Variants in SCAMP1 observed in about 807,000 individuals in gnomAD.
SCAMP1 encodes secretory carrier-associated membrane protein 1.
Under a neutral mutation model 41.8 loss-of-function variants are expected in SCAMP1, and 15 were observed. The observed-to-expected ratio is 0.36, with a 90% CI of 0.24 to 0.55. SCAMP1 has a LOEUF of 0.55. Among genes scored for constraint, SCAMP1 ranks in the 20% least tolerant of loss-of-function variants. The pLI is 0.86. For synonymous variants in SCAMP1, 135 were observed against 136.8 expected (o/e 0.99, Z 0.09); for missense variants, 341 against 412.6 (o/e 0.83, Z 1.50).
chr5:78,425,205 A>T (rs1202128804), intron 6 of SCAMP1, among the ~76,000 whole-genome samples: 2 of 152,250 alleles, frequency 1.3e-5, no homozygotes, highest in Non-Finnish European at 2.9e-5. Flanking sequence ...GACAATTTTC[A>T]AAGTAGTACT....
In SCAMP1 at chr5:78,435,005, G is replaced by A. The variant is rs184095144; in HGVS notation, c.632+13045G>A. Among the ~76,000 whole-genome samples, 306 of 152,276 alleles carry A rather than the reference G, an allele frequency of 2.0e-3. 1 individual carries two copies. The highest frequency in any genetic ancestry group is 6.8e-3 in the African/African-American group (284 of 41,558). On this transcript the variant is annotated intron_variant, in intron 6 of 8. Coordinates refer to ENST00000621999, the MANE Select transcript of SCAMP1 (RefSeq NM_004866.6). ...ATGGATAAATGGTAGCATTATTCTA[G>A]AACAGCAACAGTAGGTATGTCAGAA...
chr5:78,404,731 T>C (rs897081259), intron 2 of SCAMP1, among the ~76,000 whole-genome samples: 1 of 152,198 alleles, frequency 6.6e-6, no homozygotes, highest in Admixed American at 6.5e-5. Context: ...GGTTAGGCAC[T>C]GGTTAAATAG....
intron 1 of SCAMP1, among the ~76,000 whole-genome samples, chr5:78,366,640 A>G (rs1371954070): frequency 6.6e-6 from 1 of 152,052 alleles, no homozygotes; most frequent in Non-Finnish European, 1.5e-5. Flanking sequence ...ATCTTATTTC[A>G]TTTACCTTGA....
At chr5:78,363,750 A>G (rs1294351207) in intron 1 of SCAMP1, among the ~76,000 whole-genome samples, 1 of 152,156 alleles carries the variant, frequency 6.6e-6, no homozygotes, top group African/African-American at 2.4e-5. Flanking sequence ...CTTATATAAT[A>G]TAACCATAGT....
intron 6 of SCAMP1, among the ~76,000 whole-genome samples, chr5:78,434,585 A>G (rs1464937195): frequency 6.6e-6 from 1 of 151,498 alleles, no homozygotes; most frequent in Admixed American, 6.6e-5. Context: ...AGAAGTTTTA[A>G]AAGCACTTTA....
rs1256823558 is a variant in SCAMP1 at position 78,476,500 on chromosome 5, G to A, written c.*832G>A. ...ATAATTCCTTTTTAAAAAAATTTCG[G>A]TAGTCATATAGTAACATTTTGCTAT... On this transcript the variant is annotated 3_prime_UTR_variant, in exon 9 of 9. Transcript: ENST00000621999. 1 of 152,474 alleles carries A rather than the reference G, an allele frequency of 6.6e-6. No individual in the cohort carries two copies. Among genetic ancestry groups the A allele is most frequent in the Non-Finnish European group, 1.5e-5 (1 of 67,980 alleles). 9.4% of individuals were successfully genotyped at this position (152,474 alleles called of 1,614,324 possible). A position where few individuals can be genotyped will look rare whatever the true frequency, so the allele number is the denominator to read the frequency against.
chr5:78,405,758 A>T (rs140560395), intron 2 of SCAMP1, among the ~76,000 whole-genome samples: 3 of 152,204 alleles, frequency 2.0e-5, no homozygotes, highest in Admixed American at 6.5e-5. Flanking sequence ...TGATGAATGT[A>T]TGAATGAATG....
intron 1 of SCAMP1, among the ~76,000 whole-genome samples, chr5:78,378,525 A>G (rs982019738): frequency 2.6e-5 from 4 of 152,246 alleles, no homozygotes; most frequent in Admixed American, 6.5e-5. Flanking sequence ...CTAGTATTGA[A>G]GATATAAACT....
In SCAMP1 at chr5:78,415,525, A is replaced by G. The variant is rs1200702647; in HGVS notation, c.141A>G (p.Pro47=). The G allele has an allele frequency of 6.3e-7, 1 of 1,597,982 alleles. No homozygotes were observed. The highest frequency in any genetic ancestry group is 8.5e-7 in the Non-Finnish European group (1 of 1,170,304). Residue 47 remains proline, a synonymous_variant, in exon 3 of 9, where the codon CCA becomes CCG. Coordinates refer to ENST00000621999, the MANE Select transcript of SCAMP1 (RefSeq NM_004866.6). ...CCTTCTCTTAATCCTCCTAGCCTCC[A>G]CCAGGCGGTGTGAAGATGCCTAATG... The part of the protein sequence containing the change: ...YNPFSDSRTP[P]PGGVKMPNVP...
chr5:78,465,438 A>G (rs980786583), intron 8 of SCAMP1, among the ~76,000 whole-genome samples: 1 of 152,170 alleles, frequency 6.6e-6, no homozygotes, highest in African/African-American at 2.4e-5. Flanking sequence ...CCTGTTCTGT[A>G]TGCTTTCAGG....
chr5:78,393,840 A>G (rs1159225474), intron 2 of SCAMP1, among the ~76,000 whole-genome samples: 3 of 80,964 alleles, frequency 3.7e-5, no homozygotes, highest in African/African-American at 1.4e-4. Context: ...GAAAATGCCT[A>G]TTGCTGCTTG....
intron 1 of SCAMP1, among the ~76,000 whole-genome samples, chr5:78,364,728 C>T (rs1187891666): frequency 6.6e-6 from 1 of 152,096 alleles, no homozygotes; most frequent in Non-Finnish European, 1.5e-5. Flanking sequence ...TGGGCTTGAT[C>T]CTGGCTTTGA....
rs1401298378 is a variant in SCAMP1, at chr5:78,480,499, T to C, written c.*4831T>C. Among the ~76,000 whole-genome samples the C allele has an allele frequency of 1.3e-5, 2 of 152,336 alleles. No homozygotes were observed. The highest frequency in any genetic ancestry group is 3.9e-4 in the East Asian group (2 of 5,190). The stretch of plus-strand genomic sequence containing the variant: ...TGTAGTAGTTGTTACTGTTGGCAGT[T>C]TGTAGTAGTATTCAGGTATTTTGGG... On this transcript the variant is annotated 3_prime_UTR_variant, in exon 9 of 9. Coordinates refer to ENST00000621999, the MANE Select transcript of SCAMP1 (RefSeq NM_004866.6).
intron 6 of SCAMP1, among the ~76,000 whole-genome samples, chr5:78,441,689 A>C (rs900300271): frequency 6.6e-6 from 1 of 152,166 alleles, no homozygotes; most frequent in Admixed American, 6.5e-5. Flanking sequence ...TTAGCCAGGC[A>C]TGGTGGCACG....
intron 2 of SCAMP1, among the ~76,000 whole-genome samples, chr5:78,398,355 C>CTTTTTTTTTTTTTT (rs1197381285): frequency 3.5e-5 from 2 of 57,484 alleles, no homozygotes; most frequent in African/African-American, 1.5e-4. Flanking sequence ...GGGTTCACCT[C>CTTTTTTTTTTTTTT]TTTTTTTTTT....
chr5:78,472,058 C>T (rs1284615296), intron 8 of SCAMP1, among the ~76,000 whole-genome samples: 1 of 151,750 alleles, frequency 6.6e-6, no homozygotes, highest in Non-Finnish European at 1.5e-5. Context: ...ATTCTCTAGG[C>T]TATTCTGCAT....
At chr5:78,402,480 C>G (rs1280594274) in intron 2 of SCAMP1, among the ~76,000 whole-genome samples, 1 of 151,974 alleles carries the variant, frequency 6.6e-6, no homozygotes, top group Non-Finnish European at 1.5e-5. Flanking sequence ...TAGTTTTTGC[C>G]TCTTGTAGTT....
chr5:78,410,184 A>G (rs1310537564), intron 2 of SCAMP1, among the ~76,000 whole-genome samples: 1 of 151,136 alleles, frequency 6.6e-6, no homozygotes, highest in Admixed American at 6.6e-5. Flanking sequence ...TTTGTTACAT[A>G]GGCAAACGTG....
chr5:78,404,396 C>T (rs1475040307), intron 2 of SCAMP1, among the ~76,000 whole-genome samples: 1 of 149,544 alleles, frequency 6.7e-6, no homozygotes, highest in Non-Finnish European at 1.5e-5. Context: ...GTCCTCTTGC[C>T]TCAGCCTCCC....
Sources: allele counts gnomAD v4.1 joint callset (sites outside exome capture counted in the v4.1 genomes callset), GRCh38; gene constraint gnomAD v4.1.1; transcripts MANE v1.5; gene names NCBI Gene and HGNC (gene_info 2026-07-23, HGNC 2026-07-21).